Variants in HS6ST3 observed in about 807,000 individuals in gnomAD.
The protein encoded by HS6ST3 is heparan-sulfate 6-O-sulfotransferase 3.
Under a neutral mutation model 36.7 loss-of-function variants are expected in HS6ST3, and 12 were observed. That is an observed-to-expected ratio of 0.33 (90% CI 0.21 to 0.53). The LOEUF is 0.53. Ranked by LOEUF, HS6ST3 falls within the 20% of genes least tolerant of loss-of-function variation. The pLI is 0.95. For missense variants in HS6ST3, 584 were observed against 640.9 expected (o/e 0.91, Z 0.96); for synonymous variants, 240 against 257.5 (o/e 0.93, Z 0.65).
Position 96,836,996 on chromosome 13 carries a change from A to C in HS6ST3, c.*3798A>C, listed in dbSNP as rs751061820. On this transcript the variant is annotated 3_prime_UTR_variant, in exon 2 of 2. Coordinates refer to ENST00000376705, the MANE Select transcript of HS6ST3 (RefSeq NM_153456.4). ...TAGAGAGGAAGTGGAGGGAAGTTGC[A>C]CATATTGCTTCCAGTCACATCTCAT... 9 of 152,152 alleles carry C rather than the reference A, an allele frequency of 5.9e-5. No homozygotes were observed. The highest frequency in any genetic ancestry group is 3.9e-4 in the Admixed American group (6 of 15,278). The allele number at this position is 152,152 out of a possible 1,614,324, so 9.4% of individuals were successfully genotyped here. A position where few individuals can be genotyped will look rare whatever the true frequency, so the allele number is the denominator to read the frequency against.
At chr13:96,451,113 A>C (rs1292214003) in intron 1 of HS6ST3, among the ~76,000 whole-genome samples, 6 of 152,164 alleles carry the variant, frequency 3.9e-5, no homozygotes, top group Admixed American at 3.9e-4. Context: ...AGTATTACAC[A>C]TTAAAAATTT....
chr13:96,181,282 T>A (rs997712856), intron 1 of HS6ST3, among the ~76,000 whole-genome samples: 2 of 152,220 alleles, frequency 1.3e-5, no homozygotes, highest in African/African-American at 4.8e-5. Flanking sequence ...TGTGAGAAAC[T>A]TCAGAGGCAC....
intron 1 of HS6ST3, among the ~76,000 whole-genome samples, chr13:96,110,142 C>G (rs1203935632): frequency 6.6e-6 from 1 of 152,048 alleles, no homozygotes; most frequent in Admixed American, 6.6e-5. Context: ...ATAAGCATGG[C>G]ACTAGCTTCT....
intron 1 of HS6ST3, among the ~76,000 whole-genome samples, chr13:96,370,975 T>C (rs192075278): frequency 1.3e-5 from 2 of 152,358 alleles, no homozygotes; most frequent in East Asian, 3.9e-4. Context: ...AATATATTTT[T>C]TGGTTTTGCT....
chr13:96,351,162 A>G (rs1000446550), intron 1 of HS6ST3, among the ~76,000 whole-genome samples: 7 of 152,160 alleles, frequency 4.6e-5, no homozygotes, highest in Non-Finnish European at 1.0e-4. Context: ...ATGAAAGATA[A>G]TAAACTATGA....
intron 1 of HS6ST3, among the ~76,000 whole-genome samples, chr13:96,279,063 A>G (rs971302429): frequency 1.3e-5 from 2 of 152,208 alleles, no homozygotes; most frequent in African/African-American, 4.8e-5. Context: ...AGATCTTATA[A>G]TATAAATGGA....
At chr13:96,188,110 T>C (rs1025344502) in intron 1 of HS6ST3, among the ~76,000 whole-genome samples, 1 of 152,308 alleles carries the variant, frequency 6.6e-6, no homozygotes. Context: ...GAGTGTTGTT[T>C]CTGGCCCACA....
intron 1 of HS6ST3, among the ~76,000 whole-genome samples, chr13:96,344,683 C>T (rs76013234): frequency 3.3e-5 from 5 of 152,118 alleles, no homozygotes; most frequent in South Asian, 2.1e-4. Flanking sequence ...TACAAAGAAG[C>T]GTTTGGTTTG....
intron 1 of HS6ST3, among the ~76,000 whole-genome samples, chr13:96,480,272 C>T (rs988152837): frequency 3.3e-5 from 5 of 152,072 alleles, no homozygotes. Context: ...TGCCACCACA[C>T]CAGGCTAATT....
At chr13:96,467,434 T>G (rs1214930784) in intron 1 of HS6ST3, among the ~76,000 whole-genome samples, 2 of 152,172 alleles carry the variant, frequency 1.3e-5, no homozygotes, top group Non-Finnish European at 2.9e-5. Context: ...TTCTCATTAT[T>G]CTTTTATAAT....
intron 1 of HS6ST3, among the ~76,000 whole-genome samples, chr13:96,783,456 T>C (rs535309906): frequency 8.5e-5 from 13 of 152,312 alleles, no homozygotes; most frequent in South Asian, 2.1e-4. Context: ...TGTTACTGCT[T>C]TAAGTTTCAT....
chr13:96,121,292 T>G (rs1057182859), intron 1 of HS6ST3, among the ~76,000 whole-genome samples: 11 of 152,054 alleles, frequency 7.2e-5, no homozygotes, highest in African/African-American at 2.7e-4. Context: ...ACCAAGTAGG[T>G]TTTATGGGTT....
chr13:96,460,234 A>G (rs1009050986), intron 1 of HS6ST3, among the ~76,000 whole-genome samples: 1 of 152,178 alleles, frequency 6.6e-6, no homozygotes, highest in Non-Finnish European at 1.5e-5. Context: ...CAGAAAGCAA[A>G]CCCAGAATCA....
chr13:96,337,233 A>AT (rs1208056995), intron 1 of HS6ST3, among the ~76,000 whole-genome samples: 1 of 151,932 alleles, frequency 6.6e-6, no homozygotes, highest in African/African-American at 2.4e-5. Context: ...TGCCCGGCTA[A>AT]TTTTTTGTAT....
intron 1 of HS6ST3, among the ~76,000 whole-genome samples, chr13:96,237,520 T>C (rs966297888): frequency 6.6e-6 from 1 of 152,162 alleles, no homozygotes; most frequent in Non-Finnish European, 1.5e-5. Context: ...CATCTCTTCC[T>C]TATTACCAGA....
intron 1 of HS6ST3, among the ~76,000 whole-genome samples, chr13:96,419,910 C>G (rs760845846): frequency 2.6e-5 from 4 of 152,128 alleles, no homozygotes; most frequent in African/African-American, 4.8e-5. Context: ...ATTGCACCTG[C>G]AAAGACTCTA....
chr13:96,264,397 A>G (rs866179004), intron 1 of HS6ST3, among the ~76,000 whole-genome samples: 2 of 152,114 alleles, frequency 1.3e-5, no homozygotes, highest in African/African-American at 4.8e-5. Flanking sequence ...CCAAGTGCCA[A>G]CTTCTCCCTT....
intron 1 of HS6ST3, among the ~76,000 whole-genome samples, chr13:96,782,566 G>T (rs541805650): frequency 6.6e-6 from 1 of 152,218 alleles, no homozygotes; most frequent in Non-Finnish European, 1.5e-5. Context: ...GGTTCAGTTG[G>T]CAAATGTGAT....
intron 1 of HS6ST3, among the ~76,000 whole-genome samples, chr13:96,348,373 G>T (rs527736650): frequency 9.2e-5 from 14 of 152,338 alleles, no homozygotes; most frequent in Admixed American, 3.9e-4. Flanking sequence ...AACACTGAAA[G>T]CTGTGGGTTG....
Sources: gnomAD v4.1 joint callset for allele counts (sites outside exome capture counted in the v4.1 genomes callset) on GRCh38, gnomAD v4.1.1 for gene constraint, MANE v1.5 for transcripts, NCBI Gene and HGNC (gene_info 2026-07-23, HGNC 2026-07-21) for gene names.